Variants in ANKRD50 observed in about 807,000 individuals in gnomAD.
The protein encoded by ANKRD50 is ankyrin repeat domain 50.
ANKRD50 carries 40 observed loss-of-function variants against 112.0 expected under a neutral mutation model. The ratio of observed to expected loss-of-function variants is 0.36; its 90% CI spans 0.28 to 0.46. ANKRD50 has a LOEUF of 0.46. ANKRD50 is among the 20% of genes least tolerant of loss of function. The probability of loss-of-function intolerance (pLI) is 1.00; values close to 1 mark genes in which losing one functional copy is unlikely to be tolerated. For missense variants in ANKRD50, 1,487 were observed against 1,701.7 expected (o/e 0.87, Z 2.22); for synonymous variants, 613 against 619.1 (o/e 0.99, Z 0.15).
chr4:124,669,753 T>C lies in ANKRD50; in HGVS notation c.3524A>G (p.Gln1175Arg), dbSNP rs763975930. 8 of 1,613,474 alleles carry C rather than the reference T, an allele frequency of 5.0e-6. No individual in the cohort carries two copies. In the East Asian group the frequency reaches 1.3e-4, roughly 27 times the overall value. ...SESPDSTVDR[Q>R]KSSLSNNSLK... ...GGAATTATTTGACAGTGATGACTTC[T>C]GCCGGTCAACTGTAGAATCTGGAGA... is the stretch of plus-strand genomic sequence containing the variant. Residue 1175 changes from glutamine (Q) to arginine (R), a missense_variant, in exon 4 of 5, where the codon CAG (glutamine) becomes CGG (arginine). By Grantham distance (43) the Gln-to-Arg change is conservative (BLOSUM62 1). Around this residue, in one of 2 missense-constraint regions of ANKRD50, gnomAD observed 441 missense variants for 432.2 expected, o/e 1.02. Coordinates refer to ENST00000504087, the MANE Select transcript of ANKRD50 (RefSeq NM_020337.3).
At chr4:124,693,391 T>C (rs879723639) in intron 2 of ANKRD50, among the ~76,000 whole-genome samples, 15 of 152,124 alleles carry the variant, frequency 9.9e-5, no homozygotes, top group Non-Finnish European at 1.8e-4. Flanking sequence ...AATCAATAGA[T>C]GGCAGGTGCT....
In ANKRD50 at chr4:124,711,516, T is replaced by C. The variant is rs77981633; in HGVS notation, c.-763-242A>G. 1.0e-2 allele frequency among the ~76,000 whole-genome samples: 1,517 copies of C among 152,300 alleles called. 15 individuals carry two copies. The highest frequency in any genetic ancestry group is 0.017 in the Middle Eastern group (5 of 294). On this transcript the variant is annotated intron_variant, in intron 1 of 4. Coordinates refer to ENST00000504087, the MANE Select transcript of ANKRD50 (RefSeq NM_020337.3). ...ATTTTAATCAAGTTACCCAAGATTT[T>C]TGCAACTTCACCATAGCAAAGGAGG...
At chr4:124,679,426 A>C (rs1286703014) in intron 2 of ANKRD50, among the ~76,000 whole-genome samples, 1 of 152,228 alleles carries the variant, frequency 6.6e-6, no homozygotes. Flanking sequence ...GACTGTACAA[A>C]GATGAACTAT....
intron 2 of ANKRD50, among the ~76,000 whole-genome samples, chr4:124,692,731 A>G (rs1446203026): frequency 6.6e-6 from 1 of 152,158 alleles, no homozygotes; most frequent in Admixed American, 6.5e-5. Context: ...AAGAAACAGG[A>G]CCTGACCAGA....
chr4:124,666,944 T>C lies in ANKRD50; in HGVS notation c.*574A>G, dbSNP rs2110504713. The C allele has an allele frequency of 6.6e-6, 1 of 152,156 alleles. No homozygotes were observed. Among genetic ancestry groups the C allele is most frequent in the African/African-American group, 2.4e-5 (1 of 41,556 alleles). 9.4% of individuals were successfully genotyped at this position (152,156 alleles called of 1,614,324 possible). ...TTTTTAAACTGCCAAGAAATCATTT[T>C]TTCATTTCAATGTGATATTTATATA... On this transcript the variant is annotated 3_prime_UTR_variant, in exon 5 of 5. Transcript: ENST00000504087.
chr4:124,664,218 T>C lies in ANKRD50; in HGVS notation c.*3300A>G, dbSNP rs993605008. 5 of 151,234 alleles carry C rather than the reference T, an allele frequency of 3.3e-5. No individual in the cohort carries two copies. The highest frequency in any genetic ancestry group is 5.9e-5 in the Non-Finnish European group (4 of 67,814). 9.4% of individuals were successfully genotyped at this position (151,234 alleles called of 1,614,324 possible). A position where few individuals can be genotyped will look rare whatever the true frequency, so the allele number is the denominator to read the frequency against. On this transcript the variant is annotated 3_prime_UTR_variant, in exon 5 of 5. Coordinates refer to ENST00000504087, the MANE Select transcript of ANKRD50 (RefSeq NM_020337.3). The stretch of plus-strand genomic sequence containing the variant: ...ATTCTCAGAGGCACAAAACCTGACA[T>C]GGTGTGATATAGTATATAATCAGTC...
intron 2 of ANKRD50, among the ~76,000 whole-genome samples, chr4:124,683,981 T>A (rs1390438590): frequency 7.1e-6 from 1 of 140,734 alleles, no homozygotes; most frequent in East Asian, 2.3e-4. Context: ...TCAGTGACAA[T>A]AAGAAAAGAT....
intron 3 of ANKRD50, among the ~76,000 whole-genome samples, chr4:124,677,318 A>AT (rs1469660773): frequency 2.6e-5 from 4 of 151,876 alleles, no homozygotes; most frequent in African/African-American, 9.7e-5. Context: ...GTGCACAAGA[A>AT]TACATGAACA....
chr4:124,670,205 A>G lies in ANKRD50; in HGVS notation c.3072T>C (p.His1024=), dbSNP rs1207080871. 6.8e-6 allele frequency: 11 copies of G among 1,612,734 alleles called. No individual in the cohort carries two copies. The highest frequency in any genetic ancestry group is 8.5e-6 in the Non-Finnish European group (10 of 1,179,608). The change falls in exon 4 of 5, where the codon CAT becomes CAC. Residue 1024 remains histidine, a synonymous_variant. Transcript: ENST00000504087. ...SALQSAAWQG[H]VKVVQLLIEH... is the part of the protein sequence containing the mutation. ...CAATCAGAAGCTGAACCACTTTTAC[A>G]TGGCCCTGCCAGGCTGCAGACTGCA...
chr4:124,700,760 T>C (rs561525327), intron 2 of ANKRD50, among the ~76,000 whole-genome samples: 3 of 152,330 alleles, frequency 2.0e-5, no homozygotes, highest in Admixed American at 6.5e-5. Context: ...TGATTTACTG[T>C]AGGGTTGCAG....
At position 124,669,873 on chromosome 4, in the gene ANKRD50, G is replaced by A; in HGVS notation, c.3404C>T (p.Ser1135Leu). 1 of 1,612,992 alleles carries A rather than the reference G, an allele frequency of 6.2e-7. No individual in the cohort carries two copies. Among genetic ancestry groups the A allele is most frequent in the Non-Finnish European group, 8.5e-7 (1 of 1,179,670 alleles). ...TCCACCAGTACTACCAGAGCTATTT[G>A]ATTTAATTGTTAATGACTGCACTTT... ...SSKVQSLTIK[S>L]NSSGSTGGGD... Residue 1135 changes from serine (S) to leucine (L), a missense_variant, in exon 4 of 5, where the codon TCA (serine) becomes TTA (leucine). Physicochemically the swap from Ser to Leu is moderately radical, Grantham distance 145. This residue lies in a region of ANKRD50 where 441 missense variants were observed against 432.2 expected (regional missense o/e 1.02). Coordinates refer to ENST00000504087, the MANE Select transcript of ANKRD50 (RefSeq NM_020337.3).
At chr4:124,677,501 C>T (rs1423408547) in intron 3 of ANKRD50, among the ~76,000 whole-genome samples, 1 of 151,596 alleles carries the variant, frequency 6.6e-6, no homozygotes, top group Non-Finnish European at 1.5e-5. Context: ...ATATTGTTGG[C>T]TAAAAAAAGA....
intron 2 of ANKRD50, among the ~76,000 whole-genome samples, chr4:124,695,861 G>A (rs529098713): frequency 1.3e-5 from 2 of 152,260 alleles, no homozygotes; most frequent in South Asian, 4.1e-4. Flanking sequence ...CTTAATGCCT[G>A]ACTGCATCAG....
intron 2 of ANKRD50, among the ~76,000 whole-genome samples, chr4:124,691,219 G>A (rs66715119): frequency 0.25 from 37,289 of 152,044 alleles, 5,091 homozygotes; most frequent in South Asian, 0.32. Flanking sequence ...CAGGCCGGGC[G>A]TGGTGGCTCA....
chr4:124,675,379 C>G (rs946587237), intron 3 of ANKRD50, among the ~76,000 whole-genome samples: 17 of 151,212 alleles, frequency 1.1e-4, no homozygotes, highest in Non-Finnish European at 1.5e-4. Flanking sequence ...ATAAGCAATA[C>G]GAAAATAAAA....
intron 2 of ANKRD50, among the ~76,000 whole-genome samples, chr4:124,684,093 T>C (rs1291617419): frequency 6.6e-6 from 1 of 152,188 alleles, no homozygotes; most frequent in African/African-American, 2.4e-5. Flanking sequence ...CACTCATTAA[T>C]TGTTTTCATT....
intron 2 of ANKRD50, among the ~76,000 whole-genome samples, chr4:124,687,736 AG>A (rs1725041536): frequency 6.6e-6 from 1 of 152,194 alleles, no homozygotes; most frequent in African/African-American, 2.4e-5. Context: ...GGAAGAGAGA[AG>A]GGCATCAAAT....
rs562678691 is a variant in ANKRD50, at chr4:124,686,207, G to A, written c.513-7302C>T. ...ATGAACAGATTGAACATGAAAAAGTGTCTTTAGAATTAAAATTGTTTCTAT... is the reference window on the plus strand; with the variant it reads ...ATGAACAGATTGAACATGAAAAAGTATCTTTAGAATTAAAATTGTTTCTAT... On this transcript the variant is annotated intron_variant, in intron 2 of 4. Transcript: ENST00000504087. Among the ~76,000 whole-genome samples the A allele has an allele frequency of 5.9e-5, 9 of 152,304 alleles. No individual in the cohort carries two copies. The East Asian group carries it at 1.7e-3, about 29-fold the overall frequency.
At chr4:124,684,356 C>T (rs57031506) in intron 2 of ANKRD50, among the ~76,000 whole-genome samples, 6,659 of 152,162 alleles carry the variant, frequency 0.044, 262 homozygotes, top group East Asian at 0.21. Context: ...TGAGCTTTGA[C>T]TTCTCCCCAG....
Sources: allele counts gnomAD v4.1 joint callset (sites outside exome capture counted in the v4.1 genomes callset), GRCh38; gene constraint gnomAD v4.1.1; regional missense constraint gnomAD v4.1.1; transcripts MANE v1.5; gene names NCBI Gene and HGNC (gene_info 2026-07-23, HGNC 2026-07-21).